CD180: variants seen among roughly 807,000 people sequenced by gnomAD.
CD180 encodes CD180 molecule, also known as CD180 antigen.
Under a neutral mutation model 10.7 loss-of-function variants are expected in CD180, and 11 were observed. The ratio of observed to expected loss-of-function variants is 1.03; its 90% CI spans 0.65 to 1.70. The LOEUF is 1.70. CD180 is among the 40% of genes most tolerant of loss of function. The pLI, the probability that CD180 is intolerant of heterozygous loss-of-function variation, is 0.00. For synonymous variants in CD180, 286 were observed against 294.6 expected, an observed-to-expected ratio of 0.97 and a Z score of 0.30; for missense variants, 729 against 775.2, an observed-to-expected ratio of 0.94 and a Z score of 0.71.
chr5:67,183,372 G>A lies in CD180; in HGVS notation c.1471C>T (p.Leu491=). Residue 491 remains leucine, a synonymous_variant, in exon 3 of 3, where the codon CTA becomes TTA. Coordinates refer to ENST00000256447, the MANE Select transcript of CD180 (RefSeq NM_005582.3). ...TCCAAGCTGCCCACGGTCTGAAGTA[G>A]GTTGGTCTTCGTGATAGTCCCATCT... ...FQDGTITKTN[L]LQTVGSLEVL... is the part of the protein sequence containing the mutation. 1 of 1,614,218 alleles carries A rather than the reference G, an allele frequency of 6.2e-7. No homozygotes were observed. The highest frequency in any genetic ancestry group is 2.2e-5 in the East Asian group (1 of 44,886).
At position 67,185,908 on chromosome 5, in the gene CD180, G is replaced by T. The variant is rs749605747; in HGVS notation, c.200C>A (p.Thr67Lys). Reference sequence around the variant, plus strand: ...TCTGCTGAAGGTTCTATTGTGAATTGTAGGCAAAAAATTAAAGCTGAATTC... The same window carrying T: ...TCTGCTGAAGGTTCTATTGTGAATTTTAGGCAAAAAATTAAAGCTGAATTC... ...FLEFSFNFLP[T>K]IHNRTFSRLM... is the part of the protein sequence containing the mutation. The change falls in exon 2 of 3, where the codon ACA (threonine) becomes AAA (lysine). Residue 67 changes from threonine (T) to lysine (K), a missense_variant. Transcript: ENST00000256447. 6.2e-7 allele frequency: 1 copy of T among 1,611,618 alleles called. No individual in the cohort carries two copies. The highest frequency in any genetic ancestry group is 1.1e-5 in the South Asian group (1 of 90,692).
Position 67,186,052 on chromosome 5 carries a change from T to C in CD180, c.91-35A>G, listed in dbSNP as rs138407636. On this transcript the variant is annotated intron_variant, in intron 1 of 2. Coordinates refer to ENST00000256447, the MANE Select transcript of CD180 (RefSeq NM_005582.3). ...GAAACAAAGTAAATTAATATTAGAC[T>C]TAATAATTTTATAGACTATCTAGCA... The C allele has an allele frequency of 4.5e-4, 600 of 1,346,484 alleles. 3 individuals are homozygous for C. The African/African-American group carries it at 7.1e-3, about 16-fold the overall frequency. 83.4% of individuals were successfully genotyped at this position (1,346,484 alleles called of 1,614,324 possible).
In CD180 at chr5:67,185,917, A is replaced by C; in HGVS notation, c.191T>G (p.Phe64Cys). ...TTEFLEFSFN[F>C]LPTIHNRTFS... The stretch of plus-strand genomic sequence containing the variant: ...GGTTCTATTGTGAATTGTAGGCAAA[A>C]AATTAAAGCTGAATTCCAAAAATTC... The change falls in exon 2 of 3, where the codon TTT (phenylalanine) becomes TGT (cysteine). Residue 64 changes from phenylalanine to cysteine, a missense_variant. Phe to Cys is a radical substitution (Grantham distance 205). Transcript: ENST00000256447. The C allele has an allele frequency of 1.2e-6, 2 of 1,612,096 alleles. No individual in the cohort carries two copies. The highest frequency in any genetic ancestry group is 1.7e-6 in the Non-Finnish European group (2 of 1,178,912).
At chr5:67,185,282 CCCTCTT>C (rs59633182) in intron 2 of CD180, among the ~76,000 whole-genome samples, 6,740 of 128,230 alleles carry the variant, frequency 0.053, 393 homozygotes, top group African/African-American at 0.17. Flanking sequence ...AGAGCCTGTC[CCCTCTT>C]ACACACACAC....
At chr5:67,194,266 G>A (rs889635691) in intron 1 of CD180, among the ~76,000 whole-genome samples, 1 of 152,150 alleles carries the variant, frequency 6.6e-6, no homozygotes, top group African/African-American at 2.4e-5. Flanking sequence ...GCTTGAATTT[G>A]CCTAAGATGT....
At chr5:67,190,840 A>G in intron 1 of CD180, 122 of 478,972 alleles carry the variant, frequency 2.5e-4, no homozygotes, top group South Asian at 4.5e-4. Context: ...CTGTATATCT[A>G]ACTCCCTCTC....
intron 1 of CD180, among the ~76,000 whole-genome samples, chr5:67,189,412 T>C (rs1443149187): frequency 6.6e-6 from 1 of 152,124 alleles, no homozygotes. Flanking sequence ...GAAAAACTGA[T>C]AACGAGTGGA....
rs371692979 is a variant in CD180 at position 67,183,487 on chromosome 5, G to A, written c.1356C>T (p.Leu452=). 1.9e-6 allele frequency: 3 copies of A among 1,614,198 alleles called. No individual in the cohort carries two copies. In the South Asian group the frequency reaches 3.3e-5, roughly 18 times the overall value. ...TGCTGGTATCAAGGAAGCAGTAAGT[G>A]AGATTCAGAACCTGAAGGAAATGGA... ...QNLHFLQVLN[L]TYCFLDTSNQ... The change falls in exon 3 of 3, where the codon CTC becomes CTT. Residue 452 remains leucine (L), a synonymous_variant. Coordinates refer to ENST00000256447, the MANE Select transcript of CD180 (RefSeq NM_005582.3).
At chr5:67,188,724 C>G (rs779576391) in intron 1 of CD180, among the ~76,000 whole-genome samples, 1 of 151,284 alleles carries the variant, frequency 6.6e-6, no homozygotes, top group African/African-American at 2.5e-5. Flanking sequence ...TTCTGCTTAG[C>G]GATGCACTTT....
In CD180 at chr5:67,183,988, G is replaced by T. The variant is rs1430325946; in HGVS notation, c.855C>A (p.Arg285=). 1 of 1,614,214 alleles carries T rather than the reference G, an allele frequency of 6.2e-7. No individual in the cohort carries two copies. The highest frequency in any genetic ancestry group is 1.3e-5 in the African/African-American group (1 of 75,058). ...ATGTGGTGGATGAGATGTCAGAGAA[G>T]CGGTGTTCCTGCAGGTTGAGGCTCT... is the stretch of plus-strand genomic sequence containing the variant. ...SVESLNLQEH[R]FSDISSTTFQ... The change falls in exon 3 of 3, where the codon CGC becomes CGA. Residue 285 remains arginine, a synonymous_variant. Transcript: ENST00000256447.
chr5:67,190,774 C>T (rs971579170), intron 1 of CD180, among the ~76,000 whole-genome samples: 2 of 152,212 alleles, frequency 1.3e-5, no homozygotes, highest in Non-Finnish European at 2.9e-5. Flanking sequence ...AATCCCTTTT[C>T]CCTCTAGGTA....
chr5:67,193,666 A>C (rs948722036), intron 1 of CD180, among the ~76,000 whole-genome samples: 2 of 152,228 alleles, frequency 1.3e-5, no homozygotes, highest in African/African-American at 2.4e-5. Context: ...GGAAGGTTTC[A>C]GTTTCATCTG....
At position 67,180,438 on chromosome 5, in the gene CD180, C is replaced by CT; in HGVS notation, c.*2418dup. 6.6e-6 allele frequency: 1 copy of CT among 152,330 alleles called. No individual in the cohort carries two copies. Among genetic ancestry groups the CT allele is most frequent in the Non-Finnish European group, 1.5e-5 (1 of 68,038 alleles). The allele number at this position is 152,330 out of a possible 1,614,324, so 9.4% of individuals were successfully genotyped here. On this transcript the variant is annotated 3_prime_UTR_variant, in exon 3 of 3. Transcript: ENST00000256447. ...CTCAATGGGTTGGTGCTGTCTAAGACTGGATTCTTAGAGTTTGGACCTTCC... is the reference window on the plus strand; with the variant it reads ...CTCAATGGGTTGGTGCTGTCTAAGACTTGGATTCTTAGAGTTTGGACCTTCC...
Position 67,183,651 on chromosome 5 carries a change from A to G in CD180, c.1192T>C (p.Leu398=), listed in dbSNP as rs1336338208. 1 of 1,614,078 alleles carries G rather than the reference A, an allele frequency of 6.2e-7. No individual in the cohort carries two copies. The highest frequency in any genetic ancestry group is 2.2e-5 in the East Asian group (1 of 44,886). ...TTGTGGCTCAGGTTTAAGGTTTGCA[A>G]GTGGGACAGGTTTTTGAGTTGCAGA... ...CSLQLKNLSH[L]QTLNLSHNEP... is the part of the protein sequence containing the mutation. The change falls in exon 3 of 3, where the codon TTG becomes CTG. Residue 398 remains leucine (L), a synonymous_variant. Coordinates refer to ENST00000256447, the MANE Select transcript of CD180 (RefSeq NM_005582.3).
rs766920333 is a variant in CD180 at position 67,183,912 on chromosome 5, TC to T, written c.930del (p.Leu313TyrfsTer5). 8.7e-6 allele frequency: 14 copies of T among 1,614,190 alleles called. No homozygotes were observed. In the Admixed American group the frequency reaches 2.3e-4, roughly 27 times the overall value. On this transcript the variant is annotated frameshift_variant, in exon 3 of 3. Coordinates refer to ENST00000256447, the MANE Select transcript of CD180 (RefSeq NM_005582.3). LOFTEE classifies it low-confidence loss of function (END_TRUNC). ...LQELDLTATH[L>X]KGLPSGMKGL... ...CCCTTCATCCCAGAGGGTAACCCTT[TC>T]AAGTGAGTTGCTGTCAGATCCAATT...
rs556865552 is a variant in CD180, at chr5:67,182,755, G to A, written c.*102C>T. The A allele has an allele frequency of 5.9e-5, 54 of 918,282 alleles. No individual in the cohort carries two copies. The highest frequency in any genetic ancestry group is 8.4e-5 in the Non-Finnish European group (52 of 615,718). 56.9% of individuals were successfully genotyped at this position (918,282 alleles called of 1,614,324 possible). On this transcript the variant is annotated 3_prime_UTR_variant, in exon 3 of 3. Coordinates refer to ENST00000256447, the MANE Select transcript of CD180 (RefSeq NM_005582.3). Reference sequence around the variant, plus strand: ...GTGAGTCCCTGCCCAGTTCCAGGAAGCAATCTGAAAAGTCTGGTCTGGTCA... The same window carrying A: ...GTGAGTCCCTGCCCAGTTCCAGGAAACAATCTGAAAAGTCTGGTCTGGTCA...
At position 67,195,335 on chromosome 5, in the gene CD180, G is replaced by A. The variant is rs138887749; in HGVS notation, c.90+1217C>T. On this transcript the variant is annotated intron_variant, in intron 1 of 2. Transcript: ENST00000256447. Reference sequence around the variant, plus strand: ...GGGTTTGAGTGAGTCTCCTGCCTCAGCCTCCCGAGTAGTTGGGATTACAGG... The same window carrying A: ...GGGTTTGAGTGAGTCTCCTGCCTCAACCTCCCGAGTAGTTGGGATTACAGG... Among the ~76,000 whole-genome samples, 802 of 152,246 alleles carry A rather than the reference G, an allele frequency of 5.3e-3. 7 individuals are homozygous for A. The highest frequency in any genetic ancestry group is 0.019 in the African/African-American group (779 of 41,546).
chr5:67,194,075 G>C (rs1242645482), intron 1 of CD180, among the ~76,000 whole-genome samples: 1 of 152,148 alleles, frequency 6.6e-6, no homozygotes, highest in Non-Finnish European at 1.5e-5. Context: ...TGACATAGTT[G>C]ACTCCATCTT....
chr5:67,192,782 T>A (rs968054745), intron 1 of CD180, among the ~76,000 whole-genome samples: 4 of 151,960 alleles, frequency 2.6e-5, no homozygotes, highest in Non-Finnish European at 5.9e-5. Context: ...CCAAACTATA[T>A]CAGATCCCAA....
Sources: gnomAD v4.1 joint callset for allele counts (sites outside exome capture counted in the v4.1 genomes callset) on GRCh38, gnomAD v4.1.1 for gene constraint, MANE v1.5 for transcripts, NCBI Gene and HGNC (gene_info 2026-07-23, HGNC 2026-07-21) for gene names.